The following USP48 variants were observed in gnomAD, a reference collection of about 807,000 sequenced individuals.
The protein encoded by USP48 is ubiquitin specific peptidase 48, also known as ubiquitin carboxyl-terminal hydrolase 48.
USP48 carries 43 observed loss-of-function variants against 150.7 expected under a neutral mutation model. That is an observed-to-expected ratio of 0.29 (90% CI 0.22 to 0.37). The LOEUF is 0.37. Ranked by LOEUF, USP48 falls within the 10% of genes least tolerant of loss-of-function variation. The pLI is 1.00. For missense variants in USP48, 813 were observed against 1,249.6 expected (o/e 0.65, Z 5.27); for synonymous variants, 396 against 425.9 (o/e 0.93, Z 0.86).
rs778124829 is a variant in USP48 at position 21,724,109 on chromosome 1, C to T, written c.1451-14G>A. On this transcript the variant is annotated splice_polypyrimidine_tract_variant and intron_variant, in intron 11 of 26. Coordinates refer to ENST00000308271, the MANE Select transcript of USP48 (RefSeq NM_032236.8). ...ACTCATAGGGCTCTGAGAAAGCAAG[C>T]ATCGGAAAGAGCCTATGTATTTTTA... is the stretch of plus-strand genomic sequence containing the variant. 6.2e-7 allele frequency: 1 copy of T among 1,613,220 alleles called. No homozygotes were observed. The highest frequency in any genetic ancestry group is 8.5e-7 in the Non-Finnish European group (1 of 1,179,414).
At chr1:21,771,806 CTG>C (rs2097881571) in intron 1 of USP48, among the ~76,000 whole-genome samples, 1 of 4,598 alleles carries the variant, frequency 2.2e-4, no homozygotes, top group Non-Finnish European at 3.8e-3. Flanking sequence ...GTAATCCCAG[CTG>C]TCAGGGGGAT....
In USP48 at chr1:21,783,128, C is replaced by G; in HGVS notation, c.-171G>C. 2 of 1,056,594 alleles carry G rather than the reference C, an allele frequency of 1.9e-6. No individual in the cohort carries two copies. Among genetic ancestry groups the G allele is most frequent in the South Asian group, 4.9e-5 (2 of 41,098 alleles). 65.5% of individuals were successfully genotyped at this position (1,056,594 alleles called of 1,614,324 possible). On this transcript the variant is annotated 5_prime_UTR_variant, in exon 1 of 27. Transcript: ENST00000308271. Reference sequence around the variant, plus strand: ...GCCACTGCCGCCGCGCCCGCCCGCGCCCGACCCGCACGACCGGCCGCAAAG... The same window carrying G: ...GCCACTGCCGCCGCGCCCGCCCGCGGCCGACCCGCACGACCGGCCGCAAAG...
intron 1 of USP48, among the ~76,000 whole-genome samples, chr1:21,772,586 G>T (rs1447500244): frequency 1.3e-5 from 2 of 149,436 alleles, no homozygotes; most frequent in Non-Finnish European, 3.0e-5. Flanking sequence ...TCGCGCCACT[G>T]CACTCCAGCC....
chr1:21,747,360 AAC>A (rs913901743), intron 7 of USP48, among the ~76,000 whole-genome samples: 1 of 152,206 alleles, frequency 6.6e-6, no homozygotes, highest in African/African-American at 2.4e-5. Context: ...GCTGATTCCA[AAC>A]ACAGCTTATT....
At chr1:21,703,392 A>T in intron 21 of USP48, 120 bp downstream of exon 21, 2 of 582,070 alleles carry the variant, frequency 3.4e-6, no homozygotes, top group Admixed American at 3.1e-5. Context: ...TCTGATGCCA[A>T]ACAGCTCTGA....
rs1393209620 is a variant in USP48 at position 21,758,687 on chromosome 1, T to A, written c.135-904A>T. The stretch of plus-strand genomic sequence containing the variant: ...ATCCCTTGAACCCAGGACACGGAGG[T>A]TGCAGGGAGCCGAGATTACACCACT... On this transcript the variant is annotated intron_variant, in intron 1 of 26. Transcript: ENST00000308271. 4.6e-5 allele frequency among the ~76,000 whole-genome samples: 7 copies of A among 151,526 alleles called. 1 individual carries two copies. The East Asian group carries it at 1.2e-3, about 25-fold the overall frequency.
chr1:21,747,163 A>G lies in USP48; in HGVS notation c.909-14T>C, dbSNP rs775759744. On this transcript the variant is annotated splice_polypyrimidine_tract_variant and intron_variant, in intron 7 of 26. Coordinates refer to ENST00000308271, the MANE Select transcript of USP48 (RefSeq NM_032236.8). ...TGTCCAGTTTGCCTAACCAAGAGGA[A>G]AGCTGATTATATTTACATTTAAAAC... is the stretch of plus-strand genomic sequence containing the variant. 6.3e-7 allele frequency: 1 copy of G among 1,578,976 alleles called. No individual in the cohort carries two copies. Among genetic ancestry groups the G allele is most frequent in the Middle Eastern group, 1.9e-4 (1 of 5,130 alleles).
intron 25 of USP48, chr1:21,686,195 T>C (rs936016387): frequency 2.6e-5 from 4 of 152,246 alleles, no homozygotes; most frequent in Non-Finnish European, 5.9e-5. Flanking sequence ...TCTTGCCTAA[T>C]TGCTCTTGCT....
At chr1:21,689,891 T>C in intron 24 of USP48, 83 bp downstream of exon 24, 1 of 1,549,142 alleles carries the variant, frequency 6.5e-7, no homozygotes, top group South Asian at 1.2e-5. Context: ...AAGGCATCCT[T>C]TAACCACCAT....
chr1:21,737,599 G>C (rs1225484088), intron 8 of USP48, among the ~76,000 whole-genome samples: 1 of 152,176 alleles, frequency 6.6e-6, no homozygotes, highest in Non-Finnish European at 1.5e-5. Flanking sequence ...TGGGGAAAAT[G>C]TGTTAGAAAA....
chr1:21,689,170 A>G (rs1239260827), intron 24 of USP48, among the ~76,000 whole-genome samples: 1 of 151,048 alleles, frequency 6.6e-6, no homozygotes, highest in African/African-American at 2.4e-5. Context: ...GTATAAAATA[A>G]GTTACTATTT....
intron 9 of USP48, among the ~76,000 whole-genome samples, chr1:21,730,966 G>T (rs1253636612): frequency 6.6e-6 from 1 of 151,830 alleles, no homozygotes; most frequent in Non-Finnish European, 1.5e-5. Context: ...TCACCATGTT[G>T]GCCAGGATGG....
chr1:21,774,949 G>A (rs984024538), intron 1 of USP48, among the ~76,000 whole-genome samples: 5 of 149,672 alleles, frequency 3.3e-5, no homozygotes, highest in South Asian at 2.1e-4. Context: ...CCAAATTCAC[G>A]CACTGCACTC....
At chr1:21,770,066 T>C (rs2097874712) in intron 1 of USP48, among the ~76,000 whole-genome samples, 1 of 151,744 alleles carries the variant, frequency 6.6e-6, no homozygotes. Flanking sequence ...CTCATGCTTA[T>C]AATCCCAGCA....
intron 22 of USP48, among the ~76,000 whole-genome samples, chr1:21,697,081 A>G (rs1272824567): frequency 6.6e-6 from 1 of 152,170 alleles, no homozygotes; most frequent in African/African-American, 2.4e-5. Context: ...GTGTATAAGC[A>G]AAGTGGTTTA....
intron 23 of USP48, among the ~76,000 whole-genome samples, chr1:21,690,702 T>C (rs945335249): frequency 2.6e-5 from 4 of 152,160 alleles, no homozygotes; most frequent in African/African-American, 9.6e-5. Flanking sequence ...TTTTTATTTT[T>C]TATTTTTGTA....
chr1:21,681,710 C>G (rs114773892), intron 25 of USP48, among the ~76,000 whole-genome samples: 2,987 of 152,294 alleles, frequency 0.02, 106 homozygotes, highest in African/African-American at 0.066. Context: ...GCTGGCATTA[C>G]TTTTTACGCC....
chr1:21,732,003 G>T (rs2097758041), intron 9 of USP48, among the ~76,000 whole-genome samples: 1 of 152,158 alleles, frequency 6.6e-6, no homozygotes, highest in Non-Finnish European at 1.5e-5. Flanking sequence ...TTTTCAAATT[G>T]GGTTTCAGCG....
intron 13 of USP48, 69 bp downstream of exon 13, chr1:21,721,581 G>T: frequency 2.1e-6 from 2 of 950,478 alleles, no homozygotes; most frequent in South Asian, 5.0e-5. Context: ...AATAAATAAC[G>T]AGATGCTTGG....
Sources: gnomAD v4.1 joint callset for allele counts (sites outside exome capture counted in the v4.1 genomes callset) on GRCh38, gnomAD v4.1.1 for gene constraint, MANE v1.5 for transcripts, NCBI Gene and HGNC (gene_info 2026-07-23, HGNC 2026-07-21) for gene names.